Variants in RBFOX1 observed in about 807,000 individuals in gnomAD.
RBFOX1 encodes RNA binding fox-1 homolog 1, also known as RNA binding protein fox-1 homolog 1.
In RBFOX1, 8 loss-of-function variants were observed where a neutral mutation model predicts 57.7. The observed-to-expected ratio is 0.14, with a 90% CI of 0.08 to 0.25. The LOEUF (loss-of-function observed/expected upper bound fraction) is 0.25, where lower values mean the gene tolerates loss of function less well. RBFOX1 is among the 10% of genes least tolerant of loss of function. The probability of loss-of-function intolerance (pLI) is 1.00; values close to 1 mark genes in which losing one functional copy is unlikely to be tolerated. For synonymous variants in RBFOX1, 326 were observed against 222.4 expected, an observed-to-expected ratio of 1.47 and a Z score of -4.15; for missense variants, 611 against 548.5, an observed-to-expected ratio of 1.11 and a Z score of -1.14.
intron 3 of RBFOX1, among the ~76,000 whole-genome samples, chr16:6,695,682 T>C (rs1213538790): frequency 6.6e-6 from 1 of 152,208 alleles, no homozygotes; most frequent in Non-Finnish European, 1.5e-5. Context: ...TAGTACTCCA[T>C]AGATATTTGT....
At chr16:5,777,168 T>C (rs1160039698) in intron 3 of RBFOX1, among the ~76,000 whole-genome samples, 2 of 152,182 alleles carry the variant, frequency 1.3e-5, no homozygotes, top group Admixed American at 1.3e-4. Flanking sequence ...ATCAGCAAGG[T>C]TGTTTTCCTC....
At chr16:6,519,568 G>A (rs1189353706) in intron 2 of RBFOX1, among the ~76,000 whole-genome samples, 21 of 152,116 alleles carry the variant, frequency 1.4e-4, no homozygotes, top group Admixed American at 1.2e-3. Flanking sequence ...AGGCGTGGTG[G>A]TACATGCCTG....
chr16:7,621,356 G>T (rs1454479174), intron 10 of RBFOX1, among the ~76,000 whole-genome samples: 2 of 152,072 alleles, frequency 1.3e-5, no homozygotes, highest in Admixed American at 6.5e-5. Flanking sequence ...TGCCTCGCGG[G>T]TTCAAGCAAT....
chr16:5,331,428 C>G (rs2064753761), intron 1 of RBFOX1, among the ~76,000 whole-genome samples: 2 of 152,156 alleles, frequency 1.3e-5, no homozygotes, highest in African/African-American at 2.4e-5. Context: ...GTCTGGAGGT[C>G]AGGTGGAGGC....
intron 2 of RBFOX1, among the ~76,000 whole-genome samples, chr16:6,354,432 C>T (rs553906710): frequency 6.6e-5 from 10 of 152,282 alleles, no homozygotes; most frequent in Admixed American, 3.9e-4. Flanking sequence ...CCAGTCTCTT[C>T]TCCACACAGC....
intron 3 of RBFOX1, among the ~76,000 whole-genome samples, chr16:6,770,955 C>T (rs2154211939): frequency 6.6e-6 from 1 of 152,184 alleles, no homozygotes; most frequent in African/African-American, 2.4e-5. Context: ...GTCTCCACTA[C>T]CCCCGATTCA....
intron 3 of RBFOX1, among the ~76,000 whole-genome samples, chr16:7,033,919 T>C (rs898163486): frequency 2.6e-5 from 4 of 152,200 alleles, no homozygotes; most frequent in Admixed American, 6.5e-5. Flanking sequence ...CAGTGAGCTA[T>C]GATTGCACTG....
chr16:6,413,815 G>C (rs1293346820), intron 2 of RBFOX1, among the ~76,000 whole-genome samples: 3 of 152,128 alleles, frequency 2.0e-5, no homozygotes, highest in Non-Finnish European at 1.5e-5. Flanking sequence ...ACTCACACTA[G>C]CCCCTGCATG....
chr16:7,401,954 C>T (rs1023633019), intron 4 of RBFOX1, among the ~76,000 whole-genome samples: 1 of 152,174 alleles, frequency 6.6e-6, no homozygotes, highest in African/African-American at 2.4e-5. Flanking sequence ...GGAATGTCAT[C>T]TGTTAATAAT....
At chr16:7,187,990 G>C (rs1371719265) in intron 4 of RBFOX1, among the ~76,000 whole-genome samples, 1 of 152,220 alleles carries the variant, frequency 6.6e-6, no homozygotes, top group Non-Finnish European at 1.5e-5. Context: ...GAATGTATCT[G>C]ACTGTGTGCT....
intron 1 of RBFOX1, among the ~76,000 whole-genome samples, chr16:5,325,517 C>T (rs999811463): frequency 6.6e-6 from 1 of 152,130 alleles, no homozygotes; most frequent in African/African-American, 2.4e-5. Flanking sequence ...TATAGATTTG[C>T]ATATCTATCA....
In RBFOX1 at chr16:5,338,950, A is replaced by C. The variant is rs574655278; in HGVS notation, c.219+98845A>C. Among the ~76,000 whole-genome samples the C allele has an allele frequency of 5.3e-5, 8 of 152,144 alleles. No individual in the cohort carries two copies. The South Asian group carries it at 1.0e-3, about 20-fold the overall frequency. ...ATGGTGTACATCATGATGTTTTGAA[A>C]TCTGTATACATTGTGGATGACTAAA... On this transcript the variant is annotated intron_variant, in intron 1 of 2. Transcript: ENST00000585867.
chr16:6,457,438 T>TCCCCCCC (rs60318595), intron 2 of RBFOX1, among the ~76,000 whole-genome samples: 1 of 54,228 alleles, frequency 1.8e-5, no homozygotes, highest in Non-Finnish European at 3.9e-5. Context: ...TTTCCGGAAG[T>TCCCCCCC]CCCCCCCCCC....
chr16:6,036,465 T>C (rs1279663330), intron 1 of RBFOX1, among the ~76,000 whole-genome samples: 3 of 152,132 alleles, frequency 2.0e-5, no homozygotes, highest in African/African-American at 7.2e-5. Flanking sequence ...GGTAACTTGG[T>C]AATTTGGTTT....
At chr16:7,595,042 C>G (rs1490837017) in intron 7 of RBFOX1, among the ~76,000 whole-genome samples, 3 of 151,968 alleles carry the variant, frequency 2.0e-5, no homozygotes, top group Non-Finnish European at 1.5e-5. Flanking sequence ...TTTGAATAAC[C>G]CTAAAACTGC....
At chr16:6,302,390 T>C (rs1256753290) in intron 1 of RBFOX1, among the ~76,000 whole-genome samples, 1 of 152,222 alleles carries the variant, frequency 6.6e-6, no homozygotes, top group Admixed American at 6.5e-5. Context: ...TTGGTTGTTC[T>C]TTGCTGAACA....
chr16:5,781,749 C>T (rs2054330877), intron 3 of RBFOX1, among the ~76,000 whole-genome samples: 1 of 152,196 alleles, frequency 6.6e-6, no homozygotes, highest in Non-Finnish European at 1.5e-5. Flanking sequence ...GGATTTGTGC[C>T]ACCCATTGAA....
At chr16:6,247,512 A>C (rs965797287) in intron 1 of RBFOX1, among the ~76,000 whole-genome samples, 14 of 152,156 alleles carry the variant, frequency 9.2e-5, no homozygotes, top group African/African-American at 3.4e-4. Flanking sequence ...TCATTAAGAT[A>C]GTGGTAGTAA....
chr16:5,540,652 G>A (rs1385949760), intron 2 of RBFOX1, among the ~76,000 whole-genome samples: 2 of 152,100 alleles, frequency 1.3e-5, no homozygotes, highest in South Asian at 4.1e-4. Flanking sequence ...AGATTTCTGG[G>A]TCTGATCTCA....
Sources: allele counts gnomAD v4.1 joint callset (sites outside exome capture counted in the v4.1 genomes callset), GRCh38; gene constraint gnomAD v4.1.1; transcripts MANE v1.5; gene names NCBI Gene and HGNC (gene_info 2026-07-23, HGNC 2026-07-21).